Variants in PTPRK observed in about 807,000 individuals in gnomAD.
PTPRK encodes the protein protein tyrosine phosphatase receptor type K, also known as receptor-type tyrosine-protein phosphatase kappa.
PTPRK carries 75 observed loss-of-function variants against 178.0 expected under a neutral mutation model. That is an observed-to-expected ratio of 0.42 (90% CI 0.35 to 0.51). The LOEUF (loss-of-function observed/expected upper bound fraction) is 0.51. Among genes scored for constraint, PTPRK ranks in the 20% least tolerant of loss-of-function variants. The pLI is 0.02. For missense variants in PTPRK, 1,441 were observed against 1,797.8 expected (o/e 0.80, Z 3.59); for synonymous variants, 637 against 620.6 (o/e 1.03, Z -0.39).
chr6:128,420,770 G>C (rs1286893980), intron 1 of PTPRK, among the ~76,000 whole-genome samples: 1 of 152,074 alleles, frequency 6.6e-6, no homozygotes, highest in African/African-American at 2.4e-5. Flanking sequence ...CTAGTGGTGG[G>C]GACAGTATAG....
At chr6:128,406,554 C>G (rs1467092012) in intron 1 of PTPRK, among the ~76,000 whole-genome samples, 1 of 152,056 alleles carries the variant, frequency 6.6e-6, no homozygotes. Flanking sequence ...AATTTAATGA[C>G]AGTTTAGCCT....
intron 1 of PTPRK, among the ~76,000 whole-genome samples, chr6:128,428,929 T>C (rs1323456123): frequency 1.4e-4 from 22 of 152,250 alleles, no homozygotes; most frequent in Admixed American, 1.4e-3. Context: ...TGTAGGCTAA[T>C]GTAAATGTTC....
intron 2 of PTPRK, among the ~76,000 whole-genome samples, chr6:128,353,108 G>T (rs1562339274): frequency 1.3e-5 from 2 of 152,110 alleles, no homozygotes; most frequent in Non-Finnish European, 2.9e-5. Context: ...CAGTTGTTTA[G>T]CAAGCACATG....
intron 2 of PTPRK, among the ~76,000 whole-genome samples, chr6:128,353,124 A>G (rs867723195): frequency 6.6e-6 from 1 of 152,250 alleles, no homozygotes; most frequent in African/African-American, 2.4e-5. Context: ...ACATGAAAAC[A>G]TATTTGATAT....
chr6:128,252,267 A>G (rs1278078879), intron 3 of PTPRK, among the ~76,000 whole-genome samples: 2 of 152,200 alleles, frequency 1.3e-5, no homozygotes, highest in African/African-American at 2.4e-5. Flanking sequence ...TATCTAGAAA[A>G]TCTAAATAAA....
intron 13 of PTPRK, among the ~76,000 whole-genome samples, chr6:128,024,184 A>G (rs1446667082): frequency 6.6e-6 from 1 of 152,250 alleles, no homozygotes; most frequent in East Asian, 1.9e-4. Flanking sequence ...AAAATAATTT[A>G]GAAACAGACT....
rs1853533596 is a variant in PTPRK, at chr6:128,489,976, G to GA, written c.100+30282dup. 2.0e-5 allele frequency among the ~76,000 whole-genome samples: 3 copies of GA among 151,704 alleles called. No individual in the cohort carries two copies. The South Asian group carries it at 6.2e-4, about 31-fold the overall frequency. On this transcript the variant is annotated intron_variant, in intron 1 of 29. Transcript: ENST00000368226. ...GGTATGCTGAAGCTTAAGTGTCTACGAAAAAACGCTACTACATTTTAAGAA... is the reference window on the plus strand; with the variant it reads ...GGTATGCTGAAGCTTAAGTGTCTACGAAAAAAACGCTACTACATTTTAAGAA...
intron 21 of PTPRK, among the ~76,000 whole-genome samples, chr6:127,987,171 T>A (rs966489230): frequency 6.6e-6 from 1 of 152,082 alleles, no homozygotes; most frequent in Non-Finnish European, 1.5e-5. Flanking sequence ...TACATTTTCA[T>A]ATGTCAGCAC....
intron 1 of PTPRK, among the ~76,000 whole-genome samples, chr6:128,458,774 C>A (rs531955863): frequency 1.4e-4 from 21 of 152,278 alleles, no homozygotes; most frequent in Non-Finnish European, 2.4e-4. Flanking sequence ...AGAAACCATA[C>A]CATTTGAGAG....
chr6:128,198,115 C>T (rs1294846531), intron 6 of PTPRK, among the ~76,000 whole-genome samples: 1 of 152,098 alleles, frequency 6.6e-6, no homozygotes. Flanking sequence ...ATACATATCA[C>T]CCAAATTTAT....
chr6:128,502,876 G>T (rs972237321), intron 1 of PTPRK, among the ~76,000 whole-genome samples: 2 of 152,012 alleles, frequency 1.3e-5, no homozygotes, highest in Non-Finnish European at 2.9e-5. Flanking sequence ...TGTCACATTG[G>T]TCCTTTGAAT....
intron 2 of PTPRK, among the ~76,000 whole-genome samples, chr6:128,363,968 T>G (rs1247011453): frequency 6.6e-6 from 1 of 152,064 alleles, no homozygotes; most frequent in African/African-American, 2.4e-5. Context: ...ATGCTACACT[T>G]CAAAAGTAGA....
intron 3 of PTPRK, among the ~76,000 whole-genome samples, chr6:128,297,417 T>C (rs1216433877): frequency 6.6e-6 from 1 of 152,154 alleles, no homozygotes; most frequent in Non-Finnish European, 1.5e-5. Context: ...ATCAACAGAA[T>C]ATACATTTTT....
chr6:128,041,791 G>A (rs1385696261), intron 13 of PTPRK, among the ~76,000 whole-genome samples: 1 of 150,346 alleles, frequency 6.7e-6, no homozygotes, highest in Non-Finnish European at 1.5e-5. Flanking sequence ...TAGATATACA[G>A]TTTTATATAT....
intron 7 of PTPRK, among the ~76,000 whole-genome samples, chr6:128,170,930 G>A (rs1168742376): frequency 6.6e-6 from 1 of 150,864 alleles, no homozygotes; most frequent in Non-Finnish European, 1.5e-5. Context: ...TTAACACTTA[G>A]ATTGTGCAGT....
At chr6:128,413,701 C>T (rs909034637) in intron 1 of PTPRK, among the ~76,000 whole-genome samples, 3 of 152,124 alleles carry the variant, frequency 2.0e-5, no homozygotes, top group Non-Finnish European at 2.9e-5. Flanking sequence ...TTGAGAATGA[C>T]TTTAAGAATC....
rs1784988024 is a variant in PTPRK, at chr6:128,082,428, T to C, written c.1777+9A>G. ...ATCAATCCTATTTGTAATTTATTCA[T>C]TTGCATACCTGAGATATTGGTGGTG... On this transcript the variant is annotated intron_variant, in intron 10 of 29. Transcript: ENST00000368226. The C allele has an allele frequency of 6.3e-7, 1 of 1,586,154 alleles. No homozygotes were observed. Among genetic ancestry groups the C allele is most frequent in the Non-Finnish European group, 8.7e-7 (1 of 1,154,598 alleles).
chr6:128,453,232 C>T (rs1847999112), intron 1 of PTPRK, among the ~76,000 whole-genome samples: 1 of 152,144 alleles, frequency 6.6e-6, no homozygotes, highest in South Asian at 2.1e-4. Flanking sequence ...ATAGACAAAT[C>T]TACAGGGGGA....
At chr6:128,416,814 C>G (rs1279102078) in intron 1 of PTPRK, among the ~76,000 whole-genome samples, 4 of 151,618 alleles carry the variant, frequency 2.6e-5, no homozygotes, top group African/African-American at 9.7e-5. Context: ...AGGCCATCCA[C>G]AGAGACAAAA....
Sources: allele counts gnomAD v4.1 joint callset (sites outside exome capture counted in the v4.1 genomes callset), GRCh38; gene constraint gnomAD v4.1.1; transcripts MANE v1.5; gene names NCBI Gene and HGNC (gene_info 2026-07-23, HGNC 2026-07-21).